Variants in TTN observed in about 807,000 individuals in gnomAD.
The protein encoded by TTN is titin.
Under a neutral mutation model 3,223.0 loss-of-function variants are expected in TTN, and 1,525 were observed. That is an observed-to-expected ratio of 0.47 (90% CI 0.45 to 0.49). The LOEUF (loss-of-function observed/expected upper bound fraction) is 0.49. Ranked by LOEUF, TTN falls within the 20% of genes least tolerant of loss-of-function variation. The pLI, the probability that TTN is intolerant of heterozygous loss-of-function variation, is 0.00. For synonymous variants in TTN, 14,094 were observed against 15,161.0 expected (o/e 0.93, Z 5.17); for missense variants, 40,786 against 43,424.0 (o/e 0.94, Z 5.40).
rs1209453810 is a variant in TTN at position 178,750,105 on chromosome 2, G to A, written c.11311+3019C>T. ...ACCTGAATTTCTACAGGAAAGGAAA[G>A]CAATTCTGTGTCTCCAGAGGGAGGA... On this transcript the variant is annotated intron_variant, in intron 47 of 362. Coordinates refer to ENST00000589042, the MANE Select transcript of TTN (RefSeq NM_001267550.2). 3 of 1,613,176 alleles carry A rather than the reference G, an allele frequency of 1.9e-6. No individual in the cohort carries two copies. In the Admixed American group the frequency reaches 5.0e-5, roughly 27 times the overall value.
chr2:178,790,712 T>C lies in TTN; in HGVS notation c.1796A>G (p.Glu599Gly). 1.2e-6 allele frequency: 2 copies of C among 1,614,146 alleles called. No homozygotes were observed. The highest frequency in any genetic ancestry group is 1.7e-6 in the Non-Finnish European group (2 of 1,179,982). The change falls in exon 11 of 363, where the codon GAA becomes GGA. Residue 599 changes from glutamate (E) to glycine (G), a missense_variant. Glu to Gly is a moderately conservative substitution (Grantham distance 98). Transcript: ENST00000589042. Reference protein sequence around the residue: ...TQQDQMHLSYEKIMKETRKTV... With the variant: ...TQQDQMHLSYGKIMKETRKTV... Reference sequence around the variant, plus strand: ...ACATTGGCAGGAAGTCATCACCTTTTCATAACTTAGGTGCATTTGATCTTG... The same window carrying C: ...ACATTGGCAGGAAGTCATCACCTTTCCATAACTTAGGTGCATTTGATCTTG...
At chr2:178,778,747 T>A in intron 24 of TTN, 127 bp downstream of exon 24, 1 of 1,333,108 alleles carries the variant, frequency 7.5e-7, no homozygotes, top group Admixed American at 2.0e-5. Flanking sequence ...ATTGTTGGTG[T>A]TGCCAATGGT....
chr2:178,532,522 CG>C lies in TTN; in HGVS notation c.104092del (p.Arg34698GlufsTer49), dbSNP rs1689606484. 6.2e-7 allele frequency: 1 copy of C among 1,613,812 alleles called. No homozygotes were observed. Among genetic ancestry groups the C allele is most frequent in the Non-Finnish European group, 8.5e-7 (1 of 1,179,870 alleles). On this transcript the variant is annotated frameshift_variant, in exon 358 of 363. Transcript: ENST00000589042. LOFTEE classifies it high-confidence loss of function. ...AGAAAGCTCAAAGTGTGGAGGGCTT[CG>C]ACTTGGGGGTGAAGCTGAAAAACCT... ...ELGFSASPPS[R>X]SPPHFELSSL...
In TTN at chr2:178,777,202, A is replaced by G. The variant is rs2092325624; in HGVS notation, c.4761T>C (p.Ile1587=). 6.2e-7 allele frequency: 1 copy of G among 1,614,102 alleles called. No homozygotes were observed. The highest frequency in any genetic ancestry group is 8.5e-7 in the Non-Finnish European group (1 of 1,179,970). The stretch of plus-strand genomic sequence containing the variant: ...TGATGTCACTGTTTTTCAACCATAC[A>G]ATGTCAGGGTTGGGGTTACCCGTAG... ...VRATGNPNPD[I]VWLKNSDIIV... Residue 1587 remains isoleucine, a synonymous_variant, in exon 27 of 363, where the codon ATT becomes ATC. Coordinates refer to ENST00000589042, the MANE Select transcript of TTN (RefSeq NM_001267550.2).
At position 178,651,498 on chromosome 2, in the gene TTN, C is replaced by G. The variant is rs1371317611; in HGVS notation, c.39502G>C (p.Val13168Leu). Residue 13168 changes from valine (V) to leucine (L), a missense_variant, in exon 207 of 363, where the codon GTG (valine) becomes CTG (leucine). By Grantham distance (32) the Val-to-Leu change is conservative. Coordinates refer to ENST00000589042, the MANE Select transcript of TTN (RefSeq NM_001267550.2). ...GGCTTTTTGGGAACCACCAGAGGCA[C>G]CTTCTTTTCAGGAACAACCTCCTTG... ...VPKEVVPEKK[V>L]PLVVPKKPEA... 3.1e-6 allele frequency: 5 copies of G among 1,612,850 alleles called. No individual in the cohort carries two copies. Among genetic ancestry groups the G allele is most frequent in the African/African-American group, 1.3e-5 (1 of 74,834 alleles).
Position 178,677,821 on chromosome 2 carries a change from A to G in TTN, c.34091T>C (p.Leu11364Pro), listed in dbSNP as rs763473680. The G allele has an allele frequency of 5.0e-6, 8 of 1,612,870 alleles. No homozygotes were observed. Among genetic ancestry groups the G allele is most frequent in the South Asian group, 3.3e-5 (3 of 90,980 alleles). The change falls in exon 146 of 363, where the codon CTA becomes CCA. Residue 11364 changes from leucine to proline, a missense_variant. Leu to Pro is a moderately conservative substitution (Grantham distance 98). Transcript: ENST00000589042. The stretch of plus-strand genomic sequence containing the variant: ...AGGTAGAACTTCCTCTTCCTCAGGT[A>G]GAACTTCCTCTTCAGGAACAATTTC... Reference protein sequence around the residue: ...EEEIVPEEEVLPEEEEVLPEE... With the variant: ...EEEIVPEEEVPPEEEEVLPEE...
chr2:178,750,478 T>C (rs1369301472), intron 47 of TTN: 2 of 1,612,992 alleles, frequency 1.2e-6, no homozygotes, highest in South Asian at 1.1e-5. Flanking sequence ...ACCACGTCAC[T>C]ATAGGTTGAG....
Position 178,741,538 on chromosome 2 carries a change from C to T in TTN, c.11695G>A (p.Gly3899Arg). ...AGATAGGCACTACATATTGTCTTTCCATAGTCATTACTGGCCATACATGTA... is the reference window on the plus strand; with the variant it reads ...AGATAGGCACTACATATTGTCTTTCTATAGTCATTACTGGCCATACATGTA... ...EYTCMASNDY[G>R]KTICSAYLKI... Residue 3899 changes from glycine (G) to arginine (R), a missense_variant, in exon 48 of 363, where the codon GGA (glycine) becomes AGA (arginine). Gly to Arg is a moderately radical substitution (Grantham distance 125). Coordinates refer to ENST00000589042, the MANE Select transcript of TTN (RefSeq NM_001267550.2). The T allele has an allele frequency of 6.2e-7, 1 of 1,613,828 alleles. No homozygotes were observed. The highest frequency in any genetic ancestry group is 8.5e-7 in the Non-Finnish European group (1 of 1,179,800).
Position 178,536,510 on chromosome 2 carries a change from A to G in TTN, c.100237T>C (p.Trp33413Arg). 1.3e-6 allele frequency: 2 copies of G among 1,550,938 alleles called. No individual in the cohort carries two copies. Among genetic ancestry groups the G allele is most frequent in the Non-Finnish European group, 1.7e-6 (2 of 1,150,768 alleles). ...AVTKDSCVVA[W>R]KPPASDGGAK... ...CCTCCATCACTGGCAGGTGGCTTCC[A>G]GGCCACAACACAAGAATCTTTTGTG... The change falls in exon 357 of 363, where the codon TGG becomes CGG. Residue 33413 changes from tryptophan (W) to arginine (R), a missense_variant. Trp to Arg is a moderately radical substitution (Grantham distance 101). Coordinates refer to ENST00000589042, the MANE Select transcript of TTN (RefSeq NM_001267550.2).
rs879242937 is a variant in TTN, at chr2:178,733,346, G to A, written c.15947C>T (p.Ala5316Val). The change falls in exon 54 of 363, where the codon GCC (alanine) becomes GTC (valine). Residue 5316 changes from alanine to valine, a missense_variant. Coordinates refer to ENST00000589042, the MANE Select transcript of TTN (RefSeq NM_001267550.2). ...KYRISFKNNV[A>V]QLKFYSAELH... ...CTCAGCTGAATAAAATTTGAGCTGG[G>A]CAACATTGTTTTTAAAACTTATTCG... The A allele has an allele frequency of 2.8e-5, 45 of 1,613,704 alleles. No individual in the cohort carries two copies. Among genetic ancestry groups the A allele is most frequent in the Non-Finnish European group, 3.5e-5 (41 of 1,179,806 alleles).
Position 178,718,195 on chromosome 2 carries a change from C to T in TTN, c.24811G>A (p.Glu8271Lys). The change falls in exon 86 of 363, where the codon GAA becomes AAA. Residue 8271 changes from glutamate to lysine, a missense_variant. Transcript: ENST00000589042. ...TCTCCAATGACTGCTTCCACATGTT[C>T]CAGAGGTTCAATAAAGTACGGTGGT... ...LEPPYFIEPL[E>K]HVEAVIGEPA... 6 of 1,602,890 alleles carry T rather than the reference C, an allele frequency of 3.7e-6. No individual in the cohort carries two copies. The South Asian group carries it at 4.4e-5, about 12-fold the overall frequency.
chr2:178,751,434 T>G, intron 47 of TTN: 1 of 1,612,770 alleles, frequency 6.2e-7, no homozygotes, highest in Non-Finnish European at 8.5e-7. Context: ...AAATGTATAG[T>G]TCTCATCATT....
At position 178,740,806 on chromosome 2, in the gene TTN, G is replaced by A. The variant is rs1292930663; in HGVS notation, c.12427C>T (p.Leu4143Phe). ...TGTAGGTTGGGAGATGGTTCCTTGA[G>A]AGGCTGAAAGTGAATACTGCCATTG... is the stretch of plus-strand genomic sequence containing the variant. ...CINGSIHFQPLKEPSPNLQLQ... is the reference protein window; with the variant it reads ...CINGSIHFQPFKEPSPNLQLQ... The change falls in exon 48 of 363, where the codon CTC becomes TTC. Residue 4143 changes from leucine (L) to phenylalanine (F), a missense_variant. Physicochemically the swap from Leu to Phe is conservative, Grantham distance 22 (BLOSUM62 0). Coordinates refer to ENST00000589042, the MANE Select transcript of TTN (RefSeq NM_001267550.2). 1.2e-6 allele frequency: 2 copies of A among 1,613,546 alleles called. No homozygotes were observed. Among genetic ancestry groups the A allele is most frequent in the South Asian group, 1.1e-5 (1 of 91,070 alleles).
At chr2:178,629,712 G>A (rs561746333) in intron 239 of TTN, among the ~76,000 whole-genome samples, 1 of 152,198 alleles carries the variant, frequency 6.6e-6, no homozygotes, top group African/African-American at 2.4e-5. Context: ...CAGGCGTCAA[G>A]TTCTTCTTGC....
Position 178,629,351 on chromosome 2 carries a change from T to C in TTN, c.44374A>G (p.Ile14792Val). 4 of 1,612,944 alleles carry C rather than the reference T, an allele frequency of 2.5e-6. No homozygotes were observed. The highest frequency in any genetic ancestry group is 3.4e-6 in the Non-Finnish European group (4 of 1,179,304). The change falls in exon 240 of 363, where the codon ATC (isoleucine) becomes GTC (valine). Residue 14792 changes from isoleucine (I) to valine (V), a missense_variant. By Grantham distance (29) the Ile-to-Val change is conservative (BLOSUM62 3). Coordinates refer to ENST00000589042, the MANE Select transcript of TTN (RefSeq NM_001267550.2). ...CCTTTGAGATACCATTCCACTGGGA[T>C]ATCTTCGTAGGAGAGCTCGCAGTCG... Reference protein sequence around the residue: ...TFDCELSYEDIPVEWYLKGKK... With the variant: ...TFDCELSYEDVPVEWYLKGKK...
rs763412391 is a variant in TTN, at chr2:178,533,970, A to G, written c.102645T>C (p.Tyr34215=). The G allele has an allele frequency of 8.7e-6, 14 of 1,613,810 alleles. No individual in the cohort carries two copies. The Admixed American group carries it at 1.0e-4, about 12-fold the overall frequency. ...GCTCTGCATAAGAACTGTCTTCACC[A>G]TAGTCATTGACTACTTTGCATCTGT... ...GTYRCKVVND[Y]GEDSSYAELF... Residue 34215 remains tyrosine (Y), a synonymous_variant, in exon 358 of 363, where the codon TAT becomes TAC. Transcript: ENST00000589042.
In TTN at chr2:178,759,019, C is replaced by T. The variant is rs1000268203; in HGVS notation, c.10268G>A (p.Gly3423Asp). ...TYTFVASNAV[G>D]QVSSTANLSL... Reference sequence around the variant, plus strand: ...CAGGTTGGCTGTGCTTGATACTTGGCCTACAGCATTACTAGCAACAAACGT... The same window carrying T: ...CAGGTTGGCTGTGCTTGATACTTGGTCTACAGCATTACTAGCAACAAACGT... The change falls in exon 44 of 363, where the codon GGC becomes GAC. Residue 3423 changes from glycine (G) to aspartate (D), a missense_variant. Transcript: ENST00000589042. 1 of 1,613,970 alleles carries T rather than the reference C, an allele frequency of 6.2e-7. No individual in the cohort carries two copies. The highest frequency in any genetic ancestry group is 8.5e-7 in the Non-Finnish European group (1 of 1,179,930).
intron 241 of TTN, 104 bp downstream of exon 241, chr2:178,625,169 G>C: frequency 7.2e-7 from 1 of 1,384,484 alleles, no homozygotes; most frequent in South Asian, 1.4e-5. Context: ...TTATTTGGTT[G>C]ATTTTAAACA....
At position 178,572,491 on chromosome 2, in the gene TTN, T is replaced by C; in HGVS notation, c.73641A>G (p.Gly24547=). ...TLTWDPPLLD[G]GSKIKNYIVE... is the part of the protein sequence containing the mutation. The stretch of plus-strand genomic sequence containing the variant: ...CAATATAGTTCTTGATTTTTGAACC[T>C]CCATCAAGGAGAGGTGGGTCCCATG... The change falls in exon 326 of 363, where the codon GGA becomes GGG. Residue 24547 remains glycine (G), a synonymous_variant. Transcript: ENST00000589042. 2 of 1,613,064 alleles carry C rather than the reference T, an allele frequency of 1.2e-6. No homozygotes were observed. The highest frequency in any genetic ancestry group is 1.7e-6 in the Non-Finnish European group (2 of 1,179,386).
Sources: gnomAD v4.1 joint callset for allele counts (sites outside exome capture counted in the v4.1 genomes callset) on GRCh38, gnomAD v4.1.1 for gene constraint, MANE v1.5 for transcripts, NCBI Gene and HGNC (gene_info 2026-07-23, HGNC 2026-07-21) for gene names.